SPEF2: variants seen among roughly 807,000 people sequenced by gnomAD.
The protein encoded by SPEF2 is sperm flagellar and cilia associated 2.
In SPEF2, 187 loss-of-function variants were observed where a neutral mutation model predicts 224.6. The ratio of observed to expected loss-of-function variants is 0.83; its 90% CI spans 0.74 to 0.94. SPEF2 has a LOEUF of 0.94. Ranked by LOEUF, SPEF2 falls within the 40% of genes least tolerant of loss-of-function variation. The pLI, the probability that SPEF2 is intolerant of heterozygous loss-of-function variation, is 0.00. For synonymous variants in SPEF2, 715 were observed against 707.3 expected (o/e 1.01, Z -0.17); for missense variants, 2,170 against 2,135.6 (o/e 1.02, Z -0.32).
At chr5:35,744,785 C>A (rs796722174) in intron 23 of SPEF2, among the ~76,000 whole-genome samples, 28 of 152,212 alleles carry the variant, frequency 1.8e-4, no homozygotes, top group African/African-American at 6.3e-4. Context: ...AAAACTGGAT[C>A]ATCATGGCAG....
intron 10 of SPEF2, chr5:35,670,967 A>G (rs1447437320): frequency 1.3e-5 from 13 of 985,196 alleles, no homozygotes; most frequent in Non-Finnish European, 1.6e-5. Context: ...TTTCCTCACC[A>G]TCCTACTCTC....
At chr5:35,786,348 G>A (rs112019939) in intron 30 of SPEF2, among the ~76,000 whole-genome samples, 14 of 152,170 alleles carry the variant, frequency 9.2e-5, no homozygotes, top group African/African-American at 3.1e-4. Flanking sequence ...AACCAGAGCC[G>A]CAAAAAGACT....
Position 35,617,910 on chromosome 5 carries a change from C to T in SPEF2, c.-88C>T. Reference sequence around the variant, plus strand: ...ATACGCTTCCATAGCAAAGGGTTGCCCTTGGCTACAGGAGGACGCGGGCTG... The same window carrying T: ...ATACGCTTCCATAGCAAAGGGTTGCTCTTGGCTACAGGAGGACGCGGGCTG... On this transcript the variant is annotated 5_prime_UTR_variant, in exon 1 of 37. Transcript: ENST00000356031. The T allele has an allele frequency of 7.5e-7, 1 of 1,326,176 alleles. No homozygotes were observed. Among genetic ancestry groups the T allele is most frequent in the Non-Finnish European group, 1.1e-6 (1 of 941,302 alleles). 82.2% of individuals were successfully genotyped at this position (1,326,176 alleles called of 1,614,324 possible).
At chr5:35,768,076 G>C (rs1752322698) in intron 26 of SPEF2, among the ~76,000 whole-genome samples, 1 of 151,910 alleles carries the variant, frequency 6.6e-6, no homozygotes, top group African/African-American at 2.4e-5. Context: ...TATTTTGTTA[G>C]TTGTTAGTCT....
At position 35,697,677 on chromosome 5, in the gene SPEF2, T is replaced by C. The variant is rs763294315; in HGVS notation, c.2038-13T>C. 3.1e-6 allele frequency: 5 copies of C among 1,595,722 alleles called. No homozygotes were observed. The East Asian group carries it at 8.9e-5, about 28-fold the overall frequency. On this transcript the variant is annotated splice_polypyrimidine_tract_variant and intron_variant, in intron 14 of 36. Coordinates refer to ENST00000356031, the MANE Select transcript of SPEF2 (RefSeq NM_024867.4). ...ATTAGCCATCTTCTGTCATTTCTTG[T>C]TTATTTTCCCAGCTCACTACACGTG...
At chr5:35,728,508 A>G (rs191669657) in intron 21 of SPEF2, among the ~76,000 whole-genome samples, 78 of 152,282 alleles carry the variant, frequency 5.1e-4, no homozygotes, top group Admixed American at 4.3e-3. Flanking sequence ...CCAGTCCGCA[A>G]TGATCTCTTA....
chr5:35,679,672 CGTACCCATTGACAT>C (rs1752514783), intron 10 of SPEF2, among the ~76,000 whole-genome samples: 1 of 152,292 alleles, frequency 6.6e-6, no homozygotes, highest in East Asian at 1.9e-4. Context: ...GCAGATTGTA[CGTACCCATTGACAT>C]GGGCTGCTCT....
chr5:35,757,065 GT>G (rs1561314808), intron 24 of SPEF2, among the ~76,000 whole-genome samples: 1 of 151,676 alleles, frequency 6.6e-6, no homozygotes. Flanking sequence ...TAAAAATATT[GT>G]TTTTAATAAC....
chr5:35,721,902 G>A (rs1252800981), intron 20 of SPEF2, among the ~76,000 whole-genome samples: 1 of 152,150 alleles, frequency 6.6e-6, no homozygotes, highest in Non-Finnish European at 1.5e-5. Context: ...AAGCAAGATG[G>A]AGGCTTGCAG....
At chr5:35,730,600 C>T (rs1018188189) in intron 21 of SPEF2, among the ~76,000 whole-genome samples, 2 of 152,154 alleles carry the variant, frequency 1.3e-5, no homozygotes, top group Admixed American at 6.5e-5. Context: ...ACAATTTCAA[C>T]GTTCAAAATA....
rs192784663 is a variant in SPEF2, at chr5:35,717,087, C to A, written c.2914+4201C>A. Among the ~76,000 whole-genome samples, 230 of 152,236 alleles carry A rather than the reference C, an allele frequency of 1.5e-3. 1 individual carries two copies. Among genetic ancestry groups the A allele is most frequent in the African/African-American group, 5.3e-3 (219 of 41,518 alleles). ...ATGGCTTTTCAAACATATAGCCTTA[C>A]CCAGGAGAGATGTTAATTAGGAGCC... On this transcript the variant is annotated intron_variant, in intron 20 of 36. Transcript: ENST00000356031.
At chr5:35,763,460 C>A in intron 25 of SPEF2, 62 bp from the exon 26 acceptor site, 1 of 1,434,630 alleles carries the variant, frequency 7.0e-7, no homozygotes, top group South Asian at 1.5e-5. Flanking sequence ...GTAACATGGT[C>A]ACAAAAACAG....
At chr5:35,661,218 T>TTATGTGAAGAA (rs1749636454) in intron 8 of SPEF2, among the ~76,000 whole-genome samples, 4 of 143,742 alleles carry the variant, frequency 2.8e-5, no homozygotes, top group Non-Finnish European at 6.1e-5. Context: ...TCTACTTCTT[T>TTATGTGAAGAA]TATGTGAAGA....
rs375179286 is a variant in SPEF2, at chr5:35,807,788, C to A, written c.5379+535C>A. The A allele has an allele frequency of 7.2e-6, 11 of 1,535,392 alleles. No homozygotes were observed. In the Admixed American group the frequency reaches 2.0e-4, roughly 27 times the overall value. On this transcript the variant is annotated intron_variant, in intron 36 of 36. Coordinates refer to ENST00000356031, the MANE Select transcript of SPEF2 (RefSeq NM_024867.4). ...GCAGAAGAAAGGAAGAACTGCAACT[C>A]AGAAATCACATAACCACCAAGCAGG...
At chr5:35,620,322 G>C (rs1342934178) in intron 1 of SPEF2, among the ~76,000 whole-genome samples, 1 of 152,168 alleles carries the variant, frequency 6.6e-6, no homozygotes, top group African/African-American at 2.4e-5. Context: ...CAATTTCTGG[G>C]TAAGGGAAGT....
At chr5:35,727,398 C>T (rs543656541) in intron 20 of SPEF2, among the ~76,000 whole-genome samples, 2 of 152,142 alleles carry the variant, frequency 1.3e-5, no homozygotes, top group Admixed American at 6.5e-5. Flanking sequence ...ATAAAAGTCA[C>T]ATGTTCATTC....
At chr5:35,727,071 T>A (rs1239400919) in intron 20 of SPEF2, among the ~76,000 whole-genome samples, 1 of 150,968 alleles carries the variant, frequency 6.6e-6, no homozygotes, top group African/African-American at 2.4e-5. Context: ...CTGCCAGGCT[T>A]ATGCCACAGC....
At chr5:35,690,851 G>T (rs979690802) in intron 10 of SPEF2, among the ~76,000 whole-genome samples, 186 bp from the exon 11 acceptor site, 8 of 151,764 alleles carry the variant, frequency 5.3e-5, no homozygotes, top group Non-Finnish European at 1.0e-4. Flanking sequence ...CTTTTATGTA[G>T]AAAGCATTTT....
chr5:35,730,152 A>G (rs1745396894), intron 21 of SPEF2, among the ~76,000 whole-genome samples: 1 of 152,206 alleles, frequency 6.6e-6, no homozygotes, highest in African/African-American at 2.4e-5. Flanking sequence ...ACTTCAACAG[A>G]CAAATGATGG....
Sources: gnomAD v4.1 joint callset for allele counts (sites outside exome capture counted in the v4.1 genomes callset) on GRCh38, gnomAD v4.1.1 for gene constraint, MANE v1.5 for transcripts, NCBI Gene and HGNC (gene_info 2026-07-23, HGNC 2026-07-21) for gene names.